Variants in ATG5 observed in about 807,000 individuals in gnomAD.
The protein encoded by ATG5 is autophagy protein 5.
A neutral mutation model predicts 36.5 loss-of-function variants in ATG5; 14 were observed. That is an observed-to-expected ratio of 0.38 (90% confidence interval 0.25 to 0.60). ATG5 has a LOEUF of 0.60. Ranked by LOEUF, ATG5 falls within the 20% of genes least tolerant of loss-of-function variation. The pLI, the probability that ATG5 is intolerant of heterozygous loss-of-function variation, is 0.60. For missense variants in ATG5, 195 were observed against 326.7 expected (o/e 0.60, Z 3.11); for synonymous variants, 95 against 101.5 (o/e 0.94, Z 0.38).
At chr6:106,258,342 TAGCCTGGGTGACAGAGCAAGGAG>T (rs1778880283) in intron 5 of ATG5, among the ~76,000 whole-genome samples, 1 of 151,916 alleles carries the variant, frequency 6.6e-6, no homozygotes, top group African/African-American at 2.4e-5. Context: ...CACTGCATCT[TAGCCTGGGTGACAGAGCAAGGAG>T]GCCCTGAATA....
chr6:106,302,083 C>T (rs1215063418), intron 3 of ATG5, among the ~76,000 whole-genome samples: 1 of 151,734 alleles, frequency 6.6e-6, no homozygotes, highest in Non-Finnish European at 1.5e-5. Context: ...ATGGCACAAA[C>T]GTAGAAATGA....
chr6:106,277,920 G>A (rs1779725838), intron 5 of ATG5, among the ~76,000 whole-genome samples: 1 of 152,130 alleles, frequency 6.6e-6, no homozygotes, highest in Non-Finnish European at 1.5e-5. Context: ...TAGAAACACT[G>A]AGAACTGTTT....
chr6:106,200,934 C>T (rs774605082), intron 7 of ATG5, among the ~76,000 whole-genome samples: 34 of 152,226 alleles, frequency 2.2e-4, no homozygotes, highest in Non-Finnish European at 4.3e-4. Context: ...AGGATTGGTT[C>T]AAGGATCCCT....
chr6:106,318,227 T>C (rs185419420), intron 1 of ATG5, among the ~76,000 whole-genome samples: 21 of 152,272 alleles, frequency 1.4e-4, no homozygotes, highest in Admixed American at 1.0e-3. Context: ...AGGACACCAC[T>C]TGACATGTTT....
At chr6:106,273,665 T>G (rs967174607) in intron 5 of ATG5, among the ~76,000 whole-genome samples, 1 of 152,178 alleles carries the variant, frequency 6.6e-6, no homozygotes, top group Non-Finnish European at 1.5e-5. Flanking sequence ...ATCATACAAC[T>G]GATAAGAGAC....
chr6:106,256,387 T>C (rs1778799537), intron 5 of ATG5, among the ~76,000 whole-genome samples: 1 of 152,200 alleles, frequency 6.6e-6, no homozygotes, highest in Non-Finnish European at 1.5e-5. Flanking sequence ...AAAATACTAA[T>C]GTGCAGGACC....
At chr6:106,228,175 T>C (rs1404986947) in intron 6 of ATG5, among the ~76,000 whole-genome samples, 1 of 152,198 alleles carries the variant, frequency 6.6e-6, no homozygotes, top group East Asian at 1.9e-4. Context: ...GTATGGGAGC[T>C]CTGTTTTCAC....
chr6:106,198,154 G>C (rs1776275941), intron 7 of ATG5, among the ~76,000 whole-genome samples: 1 of 152,068 alleles, frequency 6.6e-6, no homozygotes, highest in Non-Finnish European at 1.5e-5. Flanking sequence ...GAATTTCTGG[G>C]AATTTCTCAG....
At position 106,186,694 on chromosome 6, in the gene ATG5, C is replaced by T. The variant is rs41292420; in HGVS notation, c.692-18G>A. ...TTCCCCATCTATTCCAAGAAAGAAA[C>T]CCAACAACAATAAAAGTCAAAACAG... On this transcript the variant is annotated intron_variant, in intron 7 of 7. Coordinates refer to ENST00000369076, the MANE Select transcript of ATG5 (RefSeq NM_004849.4). 0.1 allele frequency: 162,083 copies of T among 1,610,742 alleles called. 8,779 individuals are homozygous for T. Among genetic ancestry groups the T allele is most frequent in the South Asian group, 0.16 (14,496 of 90,966 alleles).
chr6:106,269,911 G>A (rs1163197388), intron 5 of ATG5, among the ~76,000 whole-genome samples: 2 of 152,220 alleles, frequency 1.3e-5, no homozygotes, highest in Non-Finnish European at 2.9e-5. Flanking sequence ...CCAGGCAGAG[G>A]AGACGCCGAG....
intron 6 of ATG5, among the ~76,000 whole-genome samples, chr6:106,207,536 TAAAA>T (rs904645501): frequency 1.4e-5 from 2 of 145,806 alleles, no homozygotes; most frequent in Non-Finnish European, 3.0e-5. Flanking sequence ...CCTCATCTCT[TAAAA>T]AAAAAAGAAA....
chr6:106,295,247 G>C (rs1379944728), intron 3 of ATG5, among the ~76,000 whole-genome samples: 1 of 152,064 alleles, frequency 6.6e-6, no homozygotes, highest in Admixed American at 6.5e-5. Flanking sequence ...TTAGGTATCT[G>C]CAACAGGGTT....
In ATG5 at chr6:106,231,932, T is replaced by C. The variant is rs528106372; in HGVS notation, c.573+16218A>G. 3.7e-4 allele frequency among the ~76,000 whole-genome samples: 57 copies of C among 152,286 alleles called. 1 individual carries two copies. The South Asian group carries it at 0.011, about 28-fold the overall frequency. ...AAAGCTAGGCAAATCAAATGCCTAA[T>C]AGGGTTTGCTTCCAGTGCGGTCTAC... On this transcript the variant is annotated intron_variant, in intron 6 of 7. Transcript: ENST00000369076.
At chr6:106,283,142 C>T (rs907689474) in intron 4 of ATG5, among the ~76,000 whole-genome samples, 1 of 152,070 alleles carries the variant, frequency 6.6e-6, no homozygotes, top group African/African-American at 2.4e-5. Context: ...CTAGGATAAA[C>T]TCAACTCAGT....
intron 6 of ATG5, among the ~76,000 whole-genome samples, chr6:106,247,752 T>C (rs1031633665): frequency 2.6e-5 from 4 of 152,196 alleles, no homozygotes; most frequent in Non-Finnish European, 4.4e-5. Context: ...ACATACACTG[T>C]GACAAGAAGG....
intron 6 of ATG5, among the ~76,000 whole-genome samples, chr6:106,212,645 TAAACA>T (rs554113351): frequency 6.6e-6 from 1 of 152,106 alleles, no homozygotes; most frequent in Non-Finnish European, 1.5e-5. Context: ...CTCCGTATAT[TAAACA>T]AAACAAAACA....
At chr6:106,257,989 T>C (rs950349686) in intron 5 of ATG5, among the ~76,000 whole-genome samples, 3 of 152,096 alleles carry the variant, frequency 2.0e-5, no homozygotes, top group African/African-American at 4.8e-5. Flanking sequence ...AAAACCAAAA[T>C]AAAACAAGTA....
intron 2 of ATG5, among the ~76,000 whole-genome samples, chr6:106,315,132 T>C (rs1353673554): frequency 1.3e-5 from 2 of 152,168 alleles, no homozygotes; most frequent in Non-Finnish European, 2.9e-5. Flanking sequence ...CCTTAATAAG[T>C]AGCTTCCTCC....
chr6:106,286,552 T>C (rs1780086830), intron 4 of ATG5, among the ~76,000 whole-genome samples: 1 of 152,224 alleles, frequency 6.6e-6, no homozygotes, highest in Non-Finnish European at 1.5e-5. Context: ...CTGGTATTCC[T>C]ATCTTTCTAT....
Sources: gnomAD v4.1 joint callset for allele counts (sites outside exome capture counted in the v4.1 genomes callset) on GRCh38, gnomAD v4.1.1 for gene constraint, MANE v1.5 for transcripts, NCBI Gene and HGNC (gene_info 2026-07-23, HGNC 2026-07-21) for gene names.